CD93: variants seen among roughly 807,000 people sequenced by gnomAD.
CD93 encodes the protein CD93 molecule.
In CD93, 44 loss-of-function variants were observed where a neutral mutation model predicts 45.5. The ratio of observed to expected loss-of-function variants is 0.97; its 90% CI spans 0.76 to 1.24. The LOEUF (loss-of-function observed/expected upper bound fraction) is 1.24, where lower values mean the gene tolerates loss of function less well. CD93 is among the 50% of genes most tolerant of loss of function. The pLI, the probability that CD93 is intolerant of heterozygous loss-of-function variation, is 0.00. For missense variants in CD93, 918 were observed against 844.5 expected (o/e 1.09, Z -1.08); for synonymous variants, 431 against 370.8 (o/e 1.16, Z -1.87).
intron 1 of CD93, 60 bp downstream of exon 1, chr20:23,084,199 T>A (rs775674185): frequency 6.3e-7 from 1 of 1,575,940 alleles, no homozygotes; most frequent in Non-Finnish European, 8.7e-7. Flanking sequence ...CTCTTTGTAC[T>A]GTAGTCAGTG....
rs762071141 is a variant in CD93, at chr20:23,085,259, G to T, written c.934C>A (p.Arg312Ser). 2.5e-6 allele frequency: 4 copies of T among 1,613,300 alleles called. No individual in the cohort carries two copies. The East Asian group carries it at 6.7e-5, about 27-fold the overall frequency. ...SRNPCSSSPC[R>S]GGATCVLGPH... ...CCCAGGACGCACGTGGCCCCCCCACGACATGGGCTGGAGCTGCAAGGGTTT... is the reference window on the plus strand; with the variant it reads ...CCCAGGACGCACGTGGCCCCCCCACTACATGGGCTGGAGCTGCAAGGGTTT... Residue 312 changes from arginine (R) to serine (S), a missense_variant, in exon 1 of 2, where the codon CGT (arginine) becomes AGT (serine). By Grantham distance (110) the Arg-to-Ser change is moderately radical. Coordinates refer to ENST00000246006, the MANE Select transcript of CD93 (RefSeq NM_012072.4).
chr20:23,084,524 C>T lies in CD93; in HGVS notation c.1669G>A (p.Gly557Ser), dbSNP rs532498537. 6.2e-7 allele frequency: 1 copy of T among 1,614,024 alleles called. No homozygotes were observed. Among genetic ancestry groups the T allele is most frequent in the Admixed American group, 1.7e-5 (1 of 60,038 alleles). ...PSIHHATAAS[G>S]PQEPAGGDSS... ...TCCCCACCTGCAGGCTCCTGGGGGC[C>T]AGAGGCAGCTGTGGCGTGATGGATG... Residue 557 changes from glycine (G) to serine (S), a missense_variant, in exon 1 of 2, where the codon GGC becomes AGC. Transcript: ENST00000246006.
In CD93 at chr20:23,085,788, C is replaced by T. The variant is rs542297079; in HGVS notation, c.405G>A (p.Ser135=). 17 of 1,611,416 alleles carry T rather than the reference C, an allele frequency of 1.1e-5. No individual in the cohort carries two copies. Among genetic ancestry groups the T allele is most frequent in the East Asian group, 2.2e-5 (1 of 44,866 alleles). The change falls in exon 1 of 2, where the codon TCG becomes TCA. Residue 135 remains serine (S), a synonymous_variant. Coordinates refer to ENST00000246006, the MANE Select transcript of CD93 (RefSeq NM_012072.4). The part of the protein sequence containing the change: ...YSNWHKELRN[S]CISKRCVSLL... ...GAGACACACAGCGCTTGGAGATGCA[C>T]GAGTTCCGGAGCTCCTTGTGCCAGT...
chr20:23,085,067 C>G lies in CD93; in HGVS notation c.1126G>C (p.Gly376Arg), dbSNP rs1400323918. 1.9e-6 allele frequency: 3 copies of G among 1,613,008 alleles called. No individual in the cohort carries two copies. Among genetic ancestry groups the G allele is most frequent in the Middle Eastern group, 3.3e-4 (2 of 6,056 alleles). The change falls in exon 1 of 2, where the codon GGC (glycine) becomes CGC (arginine). Residue 376 changes from glycine to arginine, a missense_variant. By Grantham distance (125) the Gly-to-Arg change is moderately radical. Coordinates refer to ENST00000246006, the MANE Select transcript of CD93 (RefSeq NM_012072.4). ...RCECWVGYEP[G>R]GPGEGACQDV... is the part of the protein sequence containing the mutation. ...TGACAGGCCCCCTCTCCAGGACCGC[C>G]CGGCTCATAGCCAACCCAGCATTCG...
rs1320787827 is a variant in CD93 at position 23,085,095 on chromosome 20, G to A, written c.1098C>T (p.Arg366=). Residue 366 remains arginine (R), a synonymous_variant, in exon 1 of 2, where the codon CGC becomes CGT. Transcript: ENST00000246006. ...QECVNTPGGF[R]CECWVGYEPG... ...GCTCATAGCCAACCCAGCATTCGCA[G>A]CGGAAGCCCCCAGGGGTGTTGACAC... 2 of 1,607,024 alleles carry A rather than the reference G, an allele frequency of 1.2e-6. No homozygotes were observed. The highest frequency in any genetic ancestry group is 1.3e-5 in the African/African-American group (1 of 74,864).
In CD93 at chr20:23,083,413, T is replaced by C. The variant is rs1401406037; in HGVS notation, c.*537A>G. The C allele has an allele frequency of 6.4e-6, 1 of 155,392 alleles. No individual in the cohort carries two copies. The highest frequency in any genetic ancestry group is 1.4e-5 in the Non-Finnish European group (1 of 69,968). 9.6% of individuals were successfully genotyped at this position (155,392 alleles called of 1,614,324 possible). ...ACAGTATCACATTTAGCAAGACTTG[T>C]GCTGGCGAAATGGAGGAATGCAAAT... On this transcript the variant is annotated 3_prime_UTR_variant, in exon 2 of 2. Transcript: ENST00000246006.
At position 23,084,953 on chromosome 20, in the gene CD93, C is replaced by T. The variant is rs763550532; in HGVS notation, c.1240G>A (p.Gly414Ser). ...CCGTCCTCCCCGGCCAGGACGTAGC[C>T]CTCCTCACAGGAGCAGTGAAATGAG... is the stretch of plus-strand genomic sequence containing the variant. ...DGSFHCSCEE[G>S]YVLAGEDGTQ... Residue 414 changes from glycine to serine, a missense_variant, in exon 1 of 2, where the codon GGC becomes AGC. Gly to Ser is a moderately conservative substitution (Grantham distance 56). Transcript: ENST00000246006. The T allele has an allele frequency of 6.2e-7, 1 of 1,613,718 alleles. No individual in the cohort carries two copies. The highest frequency in any genetic ancestry group is 8.5e-7 in the Non-Finnish European group (1 of 1,180,004).
At position 23,079,520 on chromosome 20, in the gene CD93, C is replaced by T. The variant is rs1296226831; in HGVS notation, c.*4430G>A. 3 of 152,196 alleles carry T rather than the reference C, an allele frequency of 2.0e-5. No individual in the cohort carries two copies. In the South Asian group the frequency reaches 6.2e-4, roughly 32 times the overall value. The allele number at this position is 152,196 out of a possible 1,614,324, so 9.4% of individuals were successfully genotyped here. ...CTCCTCACAGTTTGGGAAACATGCA[C>T]AGGATGAAGGTAAATCCTGCATAGA... On this transcript the variant is annotated 3_prime_UTR_variant, in exon 2 of 2. Coordinates refer to ENST00000246006, the MANE Select transcript of CD93 (RefSeq NM_012072.4).
chr20:23,085,454 C>T lies in CD93; in HGVS notation c.739G>A (p.Val247Met). ...GGGCCCGAGCTGCCCCAGTCGAACA[C>T]ATCGGGGGCCTTCTCCTTGCACAGG... ...YFLCKEKAPDVFDWGSSGPLC... is the reference protein window; with the variant it reads ...YFLCKEKAPDMFDWGSSGPLC... Residue 247 changes from valine to methionine, a missense_variant, in exon 1 of 2, where the codon GTG becomes ATG. Transcript: ENST00000246006. 1.2e-6 allele frequency: 2 copies of T among 1,613,954 alleles called. No individual in the cohort carries two copies. Among genetic ancestry groups the T allele is most frequent in the Non-Finnish European group, 1.7e-6 (2 of 1,180,040 alleles).
Position 23,083,972 on chromosome 20 carries a change from GGAC to G in CD93, c.1935-1_1936del, listed in dbSNP as rs1175599647. ...CTTTCAGCAGTCTGTCCCAGGTGTCGGACTATGGGAAACAAAACAGACAGCGTT... is the reference window on the plus strand; with the variant it reads ...CTTTCAGCAGTCTGTCCCAGGTGTCGTATGGGAAACAAAACAGACAGCGTT... On this transcript the variant is annotated splice_acceptor_variant and coding_sequence_variant, in exon 2 of 2. Coordinates refer to ENST00000246006, the MANE Select transcript of CD93 (RefSeq NM_012072.4). LOFTEE classifies it high-confidence loss of function. 3 of 1,613,936 alleles carry G rather than the reference GGAC, an allele frequency of 1.9e-6. No individual in the cohort carries two copies. The highest frequency in any genetic ancestry group is 2.5e-6 in the Non-Finnish European group (3 of 1,179,994).
Position 23,084,567 on chromosome 20 carries a change from G to A in CD93, c.1626C>T (p.Gly542=), listed in dbSNP as rs201897980. The A allele has an allele frequency of 1.5e-5, 24 of 1,612,328 alleles. No individual in the cohort carries two copies. The highest frequency in any genetic ancestry group is 1.2e-4 in the Admixed American group (7 of 59,934). ...LKMLAPSGSP[G]VWREPSIHHA... ...GATGGATGCTGGGCTCCCTCCAGAC[G>A]CCTGGGGACCCACTGGGGGCCAGCA... The change falls in exon 1 of 2, where the codon GGC becomes GGT. Residue 542 remains glycine (G), a synonymous_variant. Transcript: ENST00000246006.
Position 23,086,095 on chromosome 20 carries a change from C to A in CD93, c.98G>T (p.Gly33Val). 1 of 1,596,420 alleles carries A rather than the reference C, an allele frequency of 6.3e-7. No individual in the cohort carries two copies. ...GADTEAVVCVGTACYTAHSGK... is the reference protein window; with the variant it reads ...GADTEAVVCVVTACYTAHSGK... The stretch of plus-strand genomic sequence containing the variant: ...CGAGTGGGCCGTGTAGCAGGCGGTC[C>A]CCACGCAGACCACCGCCTCCGTGTC... The change falls in exon 1 of 2, where the codon GGG (glycine) becomes GTG (valine). Residue 33 changes from glycine (G) to valine (V), a missense_variant. By Grantham distance (109) the Gly-to-Val change is moderately radical. Coordinates refer to ENST00000246006, the MANE Select transcript of CD93 (RefSeq NM_012072.4).
rs2122702303 is a variant in CD93, at chr20:23,080,887, G to C, written c.*3063C>G. The C allele has an allele frequency of 6.6e-6, 1 of 152,266 alleles. No homozygotes were observed. The highest frequency in any genetic ancestry group is 3.4e-3 in the Middle Eastern group (1 of 294). The allele number at this position is 152,266 out of a possible 1,614,324, so 9.4% of individuals were successfully genotyped here. A position where few individuals can be genotyped will look rare whatever the true frequency, so the allele number is the denominator to read the frequency against. On this transcript the variant is annotated 3_prime_UTR_variant, in exon 2 of 2. Coordinates refer to ENST00000246006, the MANE Select transcript of CD93 (RefSeq NM_012072.4). ...GCATTGTCGATAACTGTCCTGCCCT[G>C]GTTTTTCTGCATTCCTCAGATTATC...
In CD93 at chr20:23,084,941, C is replaced by G; in HGVS notation, c.1252G>C (p.Ala418Pro). 6.2e-7 allele frequency: 1 copy of G among 1,613,546 alleles called. No homozygotes were observed. Among genetic ancestry groups the G allele is most frequent in the East Asian group, 2.2e-5 (1 of 44,864 alleles). Residue 418 changes from alanine to proline, a missense_variant, in exon 1 of 2, where the codon GCC becomes CCC. Transcript: ENST00000246006. Reference sequence around the variant, plus strand: ...TGGCACTGAGTCCCGTCCTCCCCGGCCAGGACGTAGCCCTCCTCACAGGAG... The same window carrying G: ...TGGCACTGAGTCCCGTCCTCCCCGGGCAGGACGTAGCCCTCCTCACAGGAG... ...HCSCEEGYVLAGEDGTQCQDV... is the reference protein window; with the variant it reads ...HCSCEEGYVLPGEDGTQCQDV...
chr20:23,085,039 T>C lies in CD93; in HGVS notation c.1154A>G (p.Asp385Gly), dbSNP rs1985445217. 18 of 1,613,798 alleles carry C rather than the reference T, an allele frequency of 1.1e-5. No homozygotes were observed. Among genetic ancestry groups the C allele is most frequent in the Non-Finnish European group, 1.5e-5 (18 of 1,179,980 alleles). Residue 385 changes from aspartate (D) to glycine (G), a missense_variant, in exon 1 of 2, where the codon GAT becomes GGT. Asp to Gly is a moderately conservative substitution (Grantham distance 94). Coordinates refer to ENST00000246006, the MANE Select transcript of CD93 (RefSeq NM_012072.4). ...PGGPGEGACQ[D>G]VDECALGRSP... ...GCGACCCAGAGCACACTCATCCACA[T>C]CCTGACAGGCCCCCTCTCCAGGACC...
rs7492 is a variant in CD93, at chr20:23,079,620, A to C, written c.*4330T>G. 1 of 152,134 alleles carries C rather than the reference A, an allele frequency of 6.6e-6. No homozygotes were observed. Among genetic ancestry groups the C allele is most frequent in the Non-Finnish European group, 1.5e-5 (1 of 68,048 alleles). The allele number at this position is 152,134 out of a possible 1,614,324, so 9.4% of individuals were successfully genotyped here. A position where few individuals can be genotyped will look rare whatever the true frequency, so the allele number is the denominator to read the frequency against. The stretch of plus-strand genomic sequence containing the variant: ...AAAAATACTTACATTCTCATTTAGC[A>C]TTCATGAAGTGATTACTGACATTTA... On this transcript the variant is annotated 3_prime_UTR_variant, in exon 2 of 2. Coordinates refer to ENST00000246006, the MANE Select transcript of CD93 (RefSeq NM_012072.4).
Position 23,083,946 on chromosome 20 carries a change from A to C in CD93, c.*4T>G, listed in dbSNP as rs757828629. ...ACTCTAGTGTCTCTAGGGCCACCTC[A>C]CTTTCAGCAGTCTGTCCCAGGTGTC... On this transcript the variant is annotated 3_prime_UTR_variant, in exon 2 of 2. Transcript: ENST00000246006. 3 of 1,614,074 alleles carry C rather than the reference A, an allele frequency of 1.9e-6. No individual in the cohort carries two copies. The Admixed American group carries it at 5.0e-5, about 27-fold the overall frequency.
Position 23,084,361 on chromosome 20 carries a change from G to A in CD93, c.1832C>T (p.Ala611Val), listed in dbSNP as rs199768107. ...LGLLVYRKRR[A>V]KREEKKEKKP... ...CTTCTCCTTCTTCTCCTCCCTCTTC[G>A]CTCTCCGCTTGCGATAGACCAGTAG... Residue 611 changes from alanine to valine, a missense_variant, in exon 1 of 2, where the codon GCG becomes GTG. Physicochemically the swap from Ala to Val is moderately conservative, Grantham distance 64 (BLOSUM62 0). Coordinates refer to ENST00000246006, the MANE Select transcript of CD93 (RefSeq NM_012072.4). 1.1e-5 allele frequency: 17 copies of A among 1,614,122 alleles called. 1 individual carries two copies. Among genetic ancestry groups the A allele is most frequent in the South Asian group, 2.2e-5 (2 of 91,086 alleles).
rs977380183 is a variant in CD93, at chr20:23,081,521, G to T, written c.*2429C>A. 6.6e-6 allele frequency: 1 copy of T among 152,276 alleles called. No homozygotes were observed. Among genetic ancestry groups the T allele is most frequent in the Admixed American group, 6.5e-5 (1 of 15,292 alleles). 9.4% of individuals were successfully genotyped at this position (152,276 alleles called of 1,614,324 possible). ...TTCCATCAGATGCACAACCTGAGCT[G>T]TCTGGTTGGGTTGCTGGCTCTCCCC... is the stretch of plus-strand genomic sequence containing the variant. On this transcript the variant is annotated 3_prime_UTR_variant, in exon 2 of 2. Coordinates refer to ENST00000246006, the MANE Select transcript of CD93 (RefSeq NM_012072.4).
Sources: gnomAD v4.1 joint callset for allele counts on GRCh38, gnomAD v4.1.1 for gene constraint, MANE v1.5 for transcripts, NCBI Gene and HGNC (gene_info 2026-07-23, HGNC 2026-07-21) for gene names.